ALK: variants seen among roughly 807,000 people sequenced by gnomAD.
The protein encoded by ALK is ALK receptor tyrosine kinase.
Under a neutral mutation model 163.1 loss-of-function variants are expected in ALK, and 74 were observed. The observed-to-expected ratio is 0.45, with a 90% CI of 0.38 to 0.55. The LOEUF is 0.55. ALK is among the 20% of genes least tolerant of loss of function. ALK has a pLI of 0.00. For missense variants in ALK, 2,063 were observed against 2,105.3 expected (o/e 0.98, Z 0.39); for synonymous variants, 960 against 843.2 (o/e 1.14, Z -2.40).
intron 8 of ALK, among the ~76,000 whole-genome samples, chr2:29,317,911 A>G (rs986670048): frequency 6.6e-6 from 1 of 152,248 alleles, no homozygotes; most frequent in African/African-American, 2.4e-5. Context: ...AGTGAAATTT[A>G]TGTAAATCAA....
intron 3 of ALK, among the ~76,000 whole-genome samples, chr2:29,584,979 T>A (rs1046280404): frequency 6.6e-6 from 1 of 152,212 alleles, no homozygotes; most frequent in Non-Finnish European, 1.5e-5. Context: ...CTTTGCTTCG[T>A]GTGTGCTGCT....
At chr2:29,612,296 T>C (rs1485616402) in intron 3 of ALK, among the ~76,000 whole-genome samples, 1 of 152,216 alleles carries the variant, frequency 6.6e-6, no homozygotes, top group African/African-American at 2.4e-5. Context: ...TTGCACGTCT[T>C]CCCCTCCTGT....
chr2:29,537,113 G>C (rs970689754), intron 3 of ALK, among the ~76,000 whole-genome samples: 13 of 152,228 alleles, frequency 8.5e-5, no homozygotes, highest in Admixed American at 1.3e-4. Context: ...GAAAGGAAAA[G>C]AACTTTTTCA....
intron 1 of ALK, among the ~76,000 whole-genome samples, chr2:29,771,076 T>A (rs559104652): frequency 6.6e-6 from 1 of 151,456 alleles, no homozygotes; most frequent in East Asian, 1.9e-4. Flanking sequence ...AACACAGACA[T>A]GCACACATAC....
chr2:29,569,692 G>C (rs1428728280), intron 3 of ALK, among the ~76,000 whole-genome samples: 2 of 152,200 alleles, frequency 1.3e-5, no homozygotes, highest in African/African-American at 4.8e-5. Flanking sequence ...CTCTGGTGGG[G>C]TGGTGCTGAT....
At chr2:29,842,705 C>A (rs545615264) in intron 1 of ALK, among the ~76,000 whole-genome samples, 1 of 152,266 alleles carries the variant, frequency 6.6e-6, no homozygotes, top group South Asian at 2.1e-4. Flanking sequence ...ACTGAGCAGG[C>A]AGGGCTCATT....
chr2:29,569,960 G>T (rs146130921), intron 3 of ALK, among the ~76,000 whole-genome samples: 133 of 152,272 alleles, frequency 8.7e-4, no homozygotes, highest in Non-Finnish European at 1.6e-3. Flanking sequence ...AGAGGAAAGG[G>T]AACACCCTAG....
At chr2:29,854,233 T>A (rs1237906379) in intron 1 of ALK, among the ~76,000 whole-genome samples, 1 of 152,210 alleles carries the variant, frequency 6.6e-6, no homozygotes, top group Non-Finnish European at 1.5e-5. Flanking sequence ...TAATATAATT[T>A]ATTTAGGCAA....
intron 1 of ALK, among the ~76,000 whole-genome samples, chr2:29,721,526 T>A (rs1004686183): frequency 1.3e-5 from 2 of 152,202 alleles, no homozygotes; most frequent in African/African-American, 4.8e-5. Flanking sequence ...TTCTCAAAAC[T>A]CCAATTCCCC....
At chr2:29,679,988 T>C (rs1343852732) in intron 3 of ALK, among the ~76,000 whole-genome samples, 1 of 152,066 alleles carries the variant, frequency 6.6e-6, no homozygotes, top group East Asian at 1.9e-4. Flanking sequence ...TTTTCTTATC[T>C]TTCAACATGT....
chr2:29,664,984 T>C (rs1025256006), intron 3 of ALK, among the ~76,000 whole-genome samples: 4 of 149,484 alleles, frequency 2.7e-5, no homozygotes, highest in African/African-American at 1.0e-4. Flanking sequence ...GTAAAATACA[T>C]CCTTTTTTTT....
At chr2:29,612,870 C>G (rs953372278) in intron 3 of ALK, among the ~76,000 whole-genome samples, 1 of 152,156 alleles carries the variant, frequency 6.6e-6, no homozygotes, top group African/African-American at 2.4e-5. Flanking sequence ...GCTGTAGTAC[C>G]TTCGGAATTT....
chr2:29,434,983 C>T (rs1670363674), intron 4 of ALK, among the ~76,000 whole-genome samples: 1 of 152,098 alleles, frequency 6.6e-6, no homozygotes, highest in Non-Finnish European at 1.5e-5. Flanking sequence ...AACTGATTTG[C>T]CCAAGGTTAC....
At chr2:29,729,856 T>C (rs1679686271) in intron 1 of ALK, among the ~76,000 whole-genome samples, 2 of 152,208 alleles carry the variant, frequency 1.3e-5, no homozygotes. Context: ...AGAAAATAAA[T>C]ATCACCCATA....
At chr2:29,919,241 T>C (rs893501753) in intron 1 of ALK, among the ~76,000 whole-genome samples, 1 of 151,976 alleles carries the variant, frequency 6.6e-6, no homozygotes, top group African/African-American at 2.4e-5. Flanking sequence ...TGGGGAAAGG[T>C]AAGAAAAGCA....
intron 3 of ALK, among the ~76,000 whole-genome samples, chr2:29,670,732 C>A (rs1401389349): frequency 1.3e-5 from 2 of 151,936 alleles, no homozygotes; most frequent in African/African-American, 4.8e-5. Context: ...TTTCATATAG[C>A]CAGTGTTTGA....
intron 1 of ALK, among the ~76,000 whole-genome samples, chr2:29,794,918 A>C (rs145305859): frequency 2.0e-5 from 3 of 152,302 alleles, no homozygotes; most frequent in South Asian, 2.1e-4. Context: ...TGGTGCTGAC[A>C]GACTCTTTCC....
rs1377688346 is a variant in ALK at position 29,245,624 on chromosome 2, T to C, written c.2204+5481A>G. 9.8e-5 allele frequency among the ~76,000 whole-genome samples: 10 copies of C among 102,418 alleles called. No individual in the cohort carries two copies. In the South Asian group the frequency reaches 1.1e-3, roughly 12 times the overall value. The allele number at this position is 102,418 out of a possible 152,430, so 67.2% of individuals were successfully genotyped here. The stretch of plus-strand genomic sequence containing the variant: ...CAGTGCCCTGCACACAGTAGGGGCT[T>C]TATGGCTCAGTGCCCTGCACATAGT... On this transcript the variant is annotated intron_variant, in intron 12 of 28. Transcript: ENST00000389048.
intron 4 of ALK, among the ~76,000 whole-genome samples, chr2:29,507,547 A>G (rs1558356794): frequency 6.6e-6 from 1 of 152,346 alleles, no homozygotes; most frequent in Admixed American, 6.5e-5. Context: ...GCATTTTACC[A>G]CTGTTAAATA....
Sources: gnomAD v4.1 joint callset for allele counts (sites outside exome capture counted in the v4.1 genomes callset) on GRCh38, gnomAD v4.1.1 for gene constraint, MANE v1.5 for transcripts, NCBI Gene and HGNC (gene_info 2026-07-23, HGNC 2026-07-21) for gene names.